The following CELSR1 variants were observed in gnomAD, a reference collection of about 807,000 sequenced individuals.
CELSR1 encodes the protein cadherin EGF LAG seven-pass G-type receptor 1.
In CELSR1, 110 loss-of-function variants were observed where a neutral mutation model predicts 249.1. The ratio of observed to expected loss-of-function variants is 0.44; its 90% CI spans 0.38 to 0.52. The LOEUF (loss-of-function observed/expected upper bound fraction) is 0.52. Ranked by LOEUF, CELSR1 falls within the 20% of genes least tolerant of loss-of-function variation. CELSR1 has a pLI of 0.00. For synonymous variants in CELSR1, 2,113 were observed against 1,900.0 expected (o/e 1.11, Z -2.92); for missense variants, 4,109 against 4,296.4 (o/e 0.96, Z 1.22).
chr22:46,367,463 G>C (rs895788341), intron 28 of CELSR1, among the ~76,000 whole-genome samples: 2 of 152,242 alleles, frequency 1.3e-5, no homozygotes, highest in Non-Finnish European at 2.9e-5. Flanking sequence ...GGTATGACTA[G>C]AAATGGCCAC....
In CELSR1 at chr22:46,363,355, A is replaced by G. The variant is rs1441822720; in HGVS notation, c.9036-108T>C. The G allele has an allele frequency of 1.0e-5, 9 of 879,934 alleles. No homozygotes were observed. Among genetic ancestry groups the G allele is most frequent in the South Asian group, 1.6e-5 (1 of 62,244 alleles). 54.5% of individuals were successfully genotyped at this position (879,934 alleles called of 1,614,324 possible). ...GGGCAGGATCACCCCATCAGGGTAG[A>G]GGGGGCGTCTGGGGGCTCCAGGGAG... On this transcript the variant is annotated intron_variant, in intron 34 of 34. Transcript: ENST00000674500. The surrounding 1 kb of genome is among the most constrained non-coding windows in gnomAD (Gnocchi z 4.3).
At chr22:46,366,909 C>A in intron 29 of CELSR1, 84 bp downstream of exon 29, 1 of 1,510,946 alleles carries the variant, frequency 6.6e-7, no homozygotes. Context: ...GGCCGCAGGA[C>A]TGGGGCTGAG....
chr22:46,499,902 G>A (rs574259068), intron 1 of CELSR1, among the ~76,000 whole-genome samples: 6 of 151,974 alleles, frequency 3.9e-5, no homozygotes, highest in African/African-American at 9.7e-5. Flanking sequence ...AGCCAGAACC[G>A]TGCCTCTTCC....
At chr22:46,465,288 TG>T (rs1330008752) in intron 1 of CELSR1, among the ~76,000 whole-genome samples, 1 of 138,596 alleles carries the variant, frequency 7.2e-6, no homozygotes, top group Non-Finnish European at 1.6e-5. Flanking sequence ...GCTCGGATTC[TG>T]TGTTCCAGGA....
At position 46,488,676 on chromosome 22, in the gene CELSR1, T is replaced by C. The variant is rs958300301; in HGVS notation, c.3545-24331A>G. 1.3e-5 allele frequency among the ~76,000 whole-genome samples: 2 copies of C among 150,726 alleles called. No individual in the cohort carries two copies. The highest frequency in any genetic ancestry group is 3.0e-5 in the Non-Finnish European group (2 of 67,594). ...GCCACAGCCCTGCCCTTTTTTTTTT[T>C]TGAGACGGAGTCTTGCTCTGTCACC... On this transcript the variant is annotated intron_variant, in intron 1 of 34. Coordinates refer to ENST00000674500, the MANE Select transcript of CELSR1 (RefSeq NM_001378328.1). The surrounding 1 kb of genome is among the most constrained non-coding windows in gnomAD (Gnocchi z 4.7).
intron 1 of CELSR1, among the ~76,000 whole-genome samples, chr22:46,478,355 C>A (rs776480736): frequency 4.6e-5 from 7 of 152,152 alleles, no homozygotes; most frequent in Non-Finnish European, 2.9e-5. Flanking sequence ...GGCCAAATTC[C>A]CCAAGGCAAA....
intron 13 of CELSR1, among the ~76,000 whole-genome samples, chr22:46,394,917 G>A (rs1406861251): frequency 6.6e-6 from 1 of 152,216 alleles, no homozygotes; most frequent in Non-Finnish European, 1.5e-5. Context: ...GGCCGCTGCT[G>A]TGCATGAGTC....
Position 46,411,718 on chromosome 22 carries a change from C to T in CELSR1, c.4653G>A (p.Gly1551=), listed in dbSNP as rs1169823157. 6.2e-7 allele frequency: 1 copy of T among 1,614,210 alleles called. No individual in the cohort carries two copies. ...CCACTGTCACCACGGCCATCTTTTC[C>T]CCGGACGGCCCATGGGGCAGGCCCA... ...GHLGLPHGPS[G]EKMAVVTVDD... Residue 1551 remains glycine, a synonymous_variant, in exon 6 of 35, where the codon GGG becomes GGA. Transcript: ENST00000674500. The surrounding 1 kb of genome is among the most constrained non-coding windows in gnomAD (Gnocchi z 4.2).
intron 1 of CELSR1, among the ~76,000 whole-genome samples, chr22:46,524,396 G>A (rs1285301603): frequency 1.3e-5 from 2 of 152,192 alleles, no homozygotes; most frequent in Non-Finnish European, 2.9e-5. Context: ...CTCCAAACAA[G>A]GCCCGCAGCT....
At position 46,417,771 on chromosome 22, in the gene CELSR1, TG is replaced by T. The variant is rs1270696325; in HGVS notation, c.4612-6013del. On this transcript the variant is annotated intron_variant, in intron 5 of 34. Coordinates refer to ENST00000674500, the MANE Select transcript of CELSR1 (RefSeq NM_001378328.1). The surrounding 1 kb of genome is among the most constrained non-coding windows in gnomAD (Gnocchi z 4.1). ...CATAGCTGCTATCTCTAGGGCTGTT[TG>T]GGAATGAAATGAAAGGACGGATCTG... Among the ~76,000 whole-genome samples, 1 of 152,208 alleles carries T rather than the reference TG, an allele frequency of 6.6e-6. No homozygotes were observed. Among genetic ancestry groups the T allele is most frequent in the Non-Finnish European group, 1.5e-5 (1 of 68,036 alleles).
chr22:46,467,618 C>G (rs537106128), intron 1 of CELSR1, among the ~76,000 whole-genome samples: 3 of 151,798 alleles, frequency 2.0e-5, no homozygotes, highest in Non-Finnish European at 2.9e-5. Flanking sequence ...TTCAGGAGAT[C>G]GAGATCATCC....
intron 1 of CELSR1, among the ~76,000 whole-genome samples, chr22:46,480,364 C>A (rs2080254559): frequency 6.6e-6 from 1 of 152,204 alleles, no homozygotes; most frequent in Admixed American, 6.5e-5. Flanking sequence ...ACATCCACAT[C>A]CTGATGACCA....
At position 46,364,529 on chromosome 22, in the gene CELSR1, G is replaced by A. The variant is rs769654017; in HGVS notation, c.8762C>T (p.Pro2921Leu). ...GGAARLASSQ[P>L]PEQRKGILKN... ...CCAGGCACCTTTCCTCTGCTCTGGG[G>A]GCTGGCTGCTAGCAAGCCTGGCTGC... The change falls in exon 33 of 35, where the codon CCC becomes CTC. Residue 2921 changes from proline (P) to leucine (L), a missense_variant. By Grantham distance (98) the Pro-to-Leu change is moderately conservative. This residue lies in a region of CELSR1 where 1,805 missense variants were observed against 1,831.6 expected (regional missense o/e 0.99). Coordinates refer to ENST00000674500, the MANE Select transcript of CELSR1 (RefSeq NM_001378328.1). 6.2e-7 allele frequency: 1 copy of A among 1,611,110 alleles called. No individual in the cohort carries two copies. Among genetic ancestry groups the A allele is most frequent in the Non-Finnish European group, 8.5e-7 (1 of 1,179,618 alleles).
In CELSR1 at chr22:46,361,687, CAG is replaced by C. The variant is rs994439423; in HGVS notation, c.*1534_*1535del. On this transcript the variant is annotated 3_prime_UTR_variant, in exon 35 of 35. Coordinates refer to ENST00000674500, the MANE Select transcript of CELSR1 (RefSeq NM_001378328.1). ...TTCCTCTCCCATAGGCATCTGCTAA[CAG>C]TGCTCACATTTTCATCAGGGTCAAG... is the stretch of plus-strand genomic sequence containing the variant. 5 of 152,382 alleles carry C rather than the reference CAG, an allele frequency of 3.3e-5. No individual in the cohort carries two copies. Among genetic ancestry groups the C allele is most frequent in the East Asian group, 1.9e-4 (1 of 5,190 alleles). The allele number at this position is 152,382 out of a possible 1,614,324, so 9.4% of individuals were successfully genotyped here. A position where few individuals can be genotyped will look rare whatever the true frequency, so the allele number is the denominator to read the frequency against.
rs1408875914 is a variant in CELSR1, at chr22:46,491,367, G to A, written c.3545-27022C>T. ...CAAGCTCTGCCTCCCAGGTTCAAGT[G>A]ATTCTCCTGCCTCAGCCTCCCGAGT... On this transcript the variant is annotated intron_variant, in intron 1 of 34. Transcript: ENST00000674500. 2.0e-5 allele frequency among the ~76,000 whole-genome samples: 3 copies of A among 149,182 alleles called. No individual in the cohort carries two copies. In the Admixed American group the frequency reaches 2.0e-4, roughly 10 times the overall value.
chr22:46,378,097 C>T (rs2078938234), intron 23 of CELSR1, among the ~76,000 whole-genome samples: 1 of 152,248 alleles, frequency 6.6e-6, no homozygotes. Flanking sequence ...GCTCACATTC[C>T]CAGGCCGCTT....
chr22:46,496,086 C>T (rs997870615), intron 1 of CELSR1, among the ~76,000 whole-genome samples: 4 of 150,784 alleles, frequency 2.7e-5, no homozygotes, highest in African/African-American at 9.8e-5. Context: ...CCTAGCTACT[C>T]GGGAGGCTGA....
intron 24 of CELSR1, among the ~76,000 whole-genome samples, chr22:46,373,650 T>TGGGGAGATGGGGGAGAAGGGGGAGAGG (rs2078882909): frequency 1.6e-5 from 1 of 60,654 alleles, no homozygotes; most frequent in Non-Finnish European, 2.9e-5. Flanking sequence ...AATGGGAGAA[T>TGGGGAGATGGGGGAGAAGGGGGAGAGG]GGGGAGATGG....
rs964114557 is a variant in CELSR1, at chr22:46,437,855, A to T, written c.4406+1334T>A. Among the ~76,000 whole-genome samples the T allele has an allele frequency of 6.6e-6, 1 of 152,196 alleles. No individual in the cohort carries two copies. On this transcript the variant is annotated intron_variant, in intron 3 of 34. Transcript: ENST00000674500. The surrounding 1 kb of genome is among the most constrained non-coding windows in gnomAD (Gnocchi z 4.9). ...CAAACACAAAGAAGAATACCCACAC[A>T]GCACACTGATGCTTGGGCAGGGAAT...
Sources: allele counts gnomAD v4.1 joint callset (sites outside exome capture counted in the v4.1 genomes callset), GRCh38; gene constraint gnomAD v4.1.1; regional missense constraint gnomAD v4.1.1; non-coding constraint Gnocchi (gnomAD v3.1); transcripts MANE v1.5; gene names NCBI Gene and HGNC (gene_info 2026-07-23, HGNC 2026-07-21).